The following PDHX variants were observed in gnomAD, a reference collection of about 807,000 sequenced individuals.
PDHX encodes the protein pyruvate dehydrogenase complex component X, also known as pyruvate dehydrogenase protein X component, mitochondrial.
A neutral mutation model predicts 55.3 loss-of-function variants in PDHX; 33 were observed. The observed-to-expected ratio is 0.60, with a 90% CI of 0.45 to 0.80. The LOEUF is 0.80. Among genes scored for constraint, PDHX ranks in the 30% least tolerant of loss-of-function variants. PDHX has a pLI of 0.00. For synonymous variants in PDHX, 226 were observed against 219.4 expected (o/e 1.03, Z -0.27); for missense variants, 622 against 619.9 (o/e 1.00, Z -0.04).
chr11:34,948,368 C>T (rs1490309144), intron 3 of PDHX, among the ~76,000 whole-genome samples: 1 of 152,112 alleles, frequency 6.6e-6, no homozygotes, highest in Non-Finnish European at 1.5e-5. Flanking sequence ...TCAATTTGTA[C>T]AGATGAGCTG....
At chr11:34,976,009 C>T (rs1161983429) in intron 7 of PDHX, among the ~76,000 whole-genome samples, 2 of 152,148 alleles carry the variant, frequency 1.3e-5, no homozygotes, top group African/African-American at 4.8e-5. Flanking sequence ...CCTGGAAACA[C>T]TCCTGTAGTT....
intron 5 of PDHX, among the ~76,000 whole-genome samples, chr11:34,966,282 T>G (rs953337416): frequency 6.6e-6 from 1 of 152,186 alleles, no homozygotes; most frequent in Non-Finnish European, 1.5e-5. Context: ...GTGAATATTA[T>G]TTCATGAGTA....
intron 10 of PDHX, among the ~76,000 whole-genome samples, chr11:34,993,651 A>G (rs1457681816): frequency 6.6e-6 from 1 of 152,178 alleles, no homozygotes; most frequent in South Asian, 2.1e-4. Flanking sequence ...TTTGTTTACT[A>G]CCACCAAGCT....
intron 9 of PDHX, among the ~76,000 whole-genome samples, chr11:34,986,900 T>C (rs1358255188): frequency 6.6e-6 from 1 of 152,220 alleles, no homozygotes; most frequent in Non-Finnish European, 1.5e-5. Flanking sequence ...CACCCTGCTC[T>C]CTTCACTCTT....
At chr11:34,942,277 G>A (rs1051922343) in intron 2 of PDHX, among the ~76,000 whole-genome samples, 10 of 152,194 alleles carry the variant, frequency 6.6e-5, no homozygotes, top group African/African-American at 2.4e-4. Flanking sequence ...GATTCAGGTA[G>A]ACATGACAGA....
At chr11:34,951,199 G>C (rs1414485708) in intron 3 of PDHX, among the ~76,000 whole-genome samples, 1 of 151,778 alleles carries the variant, frequency 6.6e-6, no homozygotes, top group Non-Finnish European at 1.5e-5. Flanking sequence ...TGGGACTACA[G>C]GCGCCCGCCA....
intron 9 of PDHX, 44 bp from the exon 10 acceptor site, chr11:34,992,271 A>T: frequency 9.2e-7 from 1 of 1,091,248 alleles, no homozygotes; most frequent in South Asian, 1.3e-5. Context: ...GATCAACTGT[A>T]TAACATTTTG....
rs147078589 is a variant in PDHX at position 34,954,689 on chromosome 11, A to G, written c.343-2695A>G. 2.6e-5 allele frequency among the ~76,000 whole-genome samples: 4 copies of G among 152,324 alleles called. No individual in the cohort carries two copies. The East Asian group carries it at 7.7e-4, about 29-fold the overall frequency. On this transcript the variant is annotated intron_variant, in intron 3 of 10. Coordinates refer to ENST00000227868, the MANE Select transcript of PDHX (RefSeq NM_003477.3). ...AATGTATTGTTTTAAAAAATCCATA[A>G]TTTGAAGGAAAACACCACAGCAATA...
intron 1 of PDHX, among the ~76,000 whole-genome samples, chr11:34,919,501 T>G (rs12283763): frequency 0.19 from 28,765 of 152,150 alleles, 3,876 homozygotes; most frequent in African/African-American, 0.39. Context: ...CTATGACATA[T>G]GCCATTTTCT....
chr11:34,980,897 T>A (rs1377271079), intron 8 of PDHX, among the ~76,000 whole-genome samples: 2 of 152,122 alleles, frequency 1.3e-5, no homozygotes, highest in East Asian at 3.9e-4. Flanking sequence ...GAACAGAAAT[T>A]TGTTTTCAGT....
chr11:34,995,200 G>A lies in PDHX; in HGVS notation c.*28G>A, dbSNP rs751631448. ...CTCAAAGATAAGAAGTTGGTGTTCA[G>A]CTTAGTTGATTCAGTAGTTGTTACC... On this transcript the variant is annotated 3_prime_UTR_variant, in exon 11 of 11. Transcript: ENST00000227868. 2.5e-6 allele frequency: 4 copies of A among 1,612,070 alleles called. No individual in the cohort carries two copies. The highest frequency in any genetic ancestry group is 3.4e-6 in the Non-Finnish European group (4 of 1,178,800).
At chr11:34,991,371 A>G (rs1289016906) in intron 9 of PDHX, among the ~76,000 whole-genome samples, 1 of 152,228 alleles carries the variant, frequency 6.6e-6, no homozygotes, top group Non-Finnish European at 1.5e-5. Context: ...ACACTGGGAA[A>G]TAACCAAGTA....
chr11:34,946,975 A>G (rs1304436664), intron 2 of PDHX, among the ~76,000 whole-genome samples: 1 of 152,154 alleles, frequency 6.6e-6, no homozygotes, highest in Non-Finnish European at 1.5e-5. Context: ...GTTGCAGAGA[A>G]ATGATCTGTA....
Position 34,970,221 on chromosome 11 carries a change from A to C in PDHX, c.899A>C (p.His300Pro). The C allele has an allele frequency of 1.2e-6, 2 of 1,612,822 alleles. No individual in the cohort carries two copies. The highest frequency in any genetic ancestry group is 1.7e-6 in the Non-Finnish European group (2 of 1,178,800). The change falls in exon 7 of 11, where the codon CAT becomes CCT. Residue 300 changes from histidine to proline, a missense_variant. Transcript: ENST00000227868. ...ACTGAATCTAAAAGTACTGTACCTC[A>C]TGCATATGCTACTGCTGACTGTGAC... The part of the protein sequence containing the change: ...RLTESKSTVP[H>P]AYATADCDLG...
intron 2 of PDHX, among the ~76,000 whole-genome samples, chr11:34,932,203 C>T (rs934753613): frequency 1.3e-5 from 2 of 151,852 alleles, no homozygotes; most frequent in African/African-American, 4.8e-5. Context: ...CCTCTGAACC[C>T]GGAAGTGGAA....
intron 7 of PDHX, among the ~76,000 whole-genome samples, chr11:34,971,549 T>G (rs930538941): frequency 3.3e-5 from 5 of 152,196 alleles, no homozygotes; most frequent in Admixed American, 6.5e-5. Context: ...TTCAGATAAC[T>G]TTTCCTTTTT....
chr11:34,960,407 A>G lies in PDHX; in HGVS notation c.543-13A>G, dbSNP rs1565161119. 1.3e-6 allele frequency: 2 copies of G among 1,579,004 alleles called. No homozygotes were observed. The highest frequency in any genetic ancestry group is 1.7e-6 in the Non-Finnish European group (2 of 1,148,606). On this transcript the variant is annotated splice_polypyrimidine_tract_variant and intron_variant, in intron 4 of 10. Transcript: ENST00000227868. ...GTTAATTGGTTCTATTAACCTTCAT[A>G]TTTTTTTCTTAGGTTCCGTTTAAGT...
intron 7 of PDHX, among the ~76,000 whole-genome samples, chr11:34,973,684 G>A (rs1202885793): frequency 6.6e-6 from 1 of 151,946 alleles, no homozygotes; most frequent in Non-Finnish European, 1.5e-5. Flanking sequence ...CTATATACTT[G>A]CACTTCCTCC....
intron 1 of PDHX, among the ~76,000 whole-genome samples, chr11:34,919,256 C>G (rs922451879): frequency 6.6e-6 from 1 of 151,122 alleles, no homozygotes; most frequent in African/African-American, 2.4e-5. Context: ...ACGTGGCAAT[C>G]CTTGAACTAT....
Sources: gnomAD v4.1 joint callset for allele counts (sites outside exome capture counted in the v4.1 genomes callset) on GRCh38, gnomAD v4.1.1 for gene constraint, MANE v1.5 for transcripts, NCBI Gene and HGNC (gene_info 2026-07-23, HGNC 2026-07-21) for gene names.